Variants in EVI2A observed in about 807,000 individuals in gnomAD.
EVI2A encodes ecotropic viral integration site 2A.
Under a neutral mutation model 13.0 loss-of-function variants are expected in EVI2A, and 11 were observed. That is an observed-to-expected ratio of 0.85 (90% CI 0.53 to 1.40). EVI2A has a LOEUF of 1.40. Ranked by LOEUF, EVI2A falls within the 40% of genes most tolerant of loss-of-function variation. The probability of loss-of-function intolerance (pLI) is 0.00; values close to 1 mark genes in which losing one functional copy is unlikely to be tolerated. For missense variants in EVI2A, 267 were observed against 279.5 expected (o/e 0.96, Z 0.32); for synonymous variants, 89 against 98.0 (o/e 0.91, Z 0.54).
At chr17:31,320,928 G>A (rs1008769663) in intron 1 of EVI2A, 3 of 153,148 alleles carry the variant, frequency 2.0e-5, no homozygotes, top group Non-Finnish European at 2.9e-5. Context: ...ATACATCATA[G>A]TATTGGTACA....
rs770815786 is a variant in EVI2A, at chr17:31,318,449, A to G, written c.565T>C (p.Trp189Arg). 3.1e-5 allele frequency: 50 copies of G among 1,613,884 alleles called. No homozygotes were observed. Among genetic ancestry groups the G allele is most frequent in the East Asian group, 6.7e-5 (3 of 44,884 alleles). Residue 189 changes from tryptophan (W) to arginine (R), a missense_variant, in exon 2 of 2, where the codon TGG becomes CGG. Transcript: ENST00000462804. Reference protein sequence around the residue: ...SNGDFLASGLWPAESDTWKRT... With the variant: ...SNGDFLASGLRPAESDTWKRT... ...TTCCAAGTGTCTGATTCAGCGGGCC[A>G]TAGACCGCTTGCCAGAAAATCGCCA... is the stretch of plus-strand genomic sequence containing the variant.
Position 31,319,030 on chromosome 17 carries a change from G to T in EVI2A, c.-10-7C>A. 6.4e-7 allele frequency: 1 copy of T among 1,573,498 alleles called. No homozygotes were observed. The highest frequency in any genetic ancestry group is 8.6e-7 in the Non-Finnish European group (1 of 1,166,794). On this transcript the variant is annotated splice_region_variant and splice_polypyrimidine_tract_variant and intron_variant, in intron 1 of 1. Coordinates refer to ENST00000462804, the MANE Select transcript of EVI2A (RefSeq NM_014210.4). ...CGTGGGCATGCTTGGCAATCTGTTG[G>T]GATAGCAATATAATTTGTTAGTTTG...
intron 1 of EVI2A, among the ~76,000 whole-genome samples, chr17:31,319,755 GAAA>G (rs71142045): frequency 1.1e-4 from 13 of 117,878 alleles, no homozygotes; most frequent in South Asian, 2.5e-4. Flanking sequence ...AAAATCTGAA[GAAA>G]AAAAAAAAAA....
rs1222818472 is a variant in EVI2A at position 31,318,062 on chromosome 17, T to A, written c.*241A>T. 1 of 455,292 alleles carries A rather than the reference T, an allele frequency of 2.2e-6. No individual in the cohort carries two copies. Among genetic ancestry groups the A allele is most frequent in the Admixed American group, 4.0e-5 (1 of 25,182 alleles). 28.2% of individuals were successfully genotyped at this position (455,292 alleles called of 1,614,324 possible). Reference sequence around the variant, plus strand: ...CAGTTTCCTCAATTTATCCTTAAAATTTTCCTCAAATGCTTAGTTATTTTA... The same window carrying A: ...CAGTTTCCTCAATTTATCCTTAAAAATTTCCTCAAATGCTTAGTTATTTTA... On this transcript the variant is annotated 3_prime_UTR_variant, in exon 2 of 2. Coordinates refer to ENST00000462804, the MANE Select transcript of EVI2A (RefSeq NM_014210.4).
intron 1 of EVI2A, chr17:31,320,401 C>G: frequency 6.2e-7 from 1 of 1,608,434 alleles, no homozygotes; most frequent in Non-Finnish European, 8.5e-7. Context: ...GCCTGAAAGT[C>G]TTTGTTTCCA....
In EVI2A at chr17:31,318,675, T is replaced by C. The variant is rs1359268670; in HGVS notation, c.339A>G (p.Thr113=). ...SPSTVQSIEN[T]SKSHGEIFKK... is the part of the protein sequence containing the mutation. ...TGAAAATTTCACCATGACTTTTGCT[T>C]GTGTTTTCAATGCTCTGTACTGTTG... is the stretch of plus-strand genomic sequence containing the variant. The change falls in exon 2 of 2, where the codon ACA becomes ACG. Residue 113 remains threonine (T), a synonymous_variant. Transcript: ENST00000462804. 6.2e-7 allele frequency: 1 copy of C among 1,614,014 alleles called. No homozygotes were observed. The highest frequency in any genetic ancestry group is 1.1e-5 in the South Asian group (1 of 91,092).
chr17:31,319,064 T>C, intron 1 of EVI2A, 41 bp from the exon 2 acceptor site: 1 of 1,530,928 alleles, frequency 6.5e-7, no homozygotes, highest in Non-Finnish European at 8.7e-7. Flanking sequence ...TGTGAAAGAA[T>C]AATGGATCCT....
chr17:31,317,404 C>CACAA lies in EVI2A; in HGVS notation c.*898_*899insTTGT, dbSNP rs56932012. 6.8e-6 allele frequency among the ~76,000 whole-genome samples: 1 copy of CACAA among 147,222 alleles called. No homozygotes were observed. Among genetic ancestry groups the CACAA allele is most frequent in the Non-Finnish European group, 1.5e-5 (1 of 66,872 alleles). ...ACACACACACACACACACACACACA[C>CACAA]CCCTAATAAATCATTAGGCTACTTG... On this transcript the variant is annotated 3_prime_UTR_variant, in exon 2 of 2. Transcript: ENST00000462804.
chr17:31,318,302 A>G lies in EVI2A; in HGVS notation c.*1T>C. On this transcript the variant is annotated 3_prime_UTR_variant, in exon 2 of 2. Transcript: ENST00000462804. ...TCATTGCTACTTTGCATTTTTCTTCACTAACCTATCTGTTTGTTAGTAAGT... is the reference window on the plus strand; with the variant it reads ...TCATTGCTACTTTGCATTTTTCTTCGCTAACCTATCTGTTTGTTAGTAAGT... The G allele has an allele frequency of 2.5e-6, 4 of 1,599,198 alleles. No homozygotes were observed. The highest frequency in any genetic ancestry group is 3.4e-6 in the Non-Finnish European group (4 of 1,175,098).
chr17:31,319,226 T>A (rs1174263311), intron 1 of EVI2A, among the ~76,000 whole-genome samples: 1 of 152,206 alleles, frequency 6.6e-6, no homozygotes, highest in Admixed American at 6.5e-5. Context: ...CTATTAACAC[T>A]TTTAGATGCT....
chr17:31,318,898 C>T lies in EVI2A; in HGVS notation c.116G>A (p.Ser39Asn). 1.2e-6 allele frequency: 2 copies of T among 1,614,050 alleles called. No homozygotes were observed. Among genetic ancestry groups the T allele is most frequent in the East Asian group, 2.2e-5 (1 of 44,872 alleles). Residue 39 changes from serine (S) to asparagine (N), a missense_variant, in exon 2 of 2, where the codon AGT (serine) becomes AAT (asparagine). Ser to Asn is a conservative substitution (Grantham distance 46). Coordinates refer to ENST00000462804, the MANE Select transcript of EVI2A (RefSeq NM_014210.4). ...AATAACTGAATCCCAGGAAGAAGTA[C>T]TGTTAGCCCACAGACGGGTATAGTT... is the stretch of plus-strand genomic sequence containing the variant. ...KANYTRLWAN[S>N]TSSWDSVIQN...
At position 31,316,865 on chromosome 17, in the gene EVI2A, TC is replaced by T. The variant is rs1042195474; in HGVS notation, c.*1437del. ...TAATAAAAATGATGCTTTATTTTTT[TC>T]CTCTCATTTTAATAATAGCTAGACG... On this transcript the variant is annotated 3_prime_UTR_variant, in exon 2 of 2. Coordinates refer to ENST00000462804, the MANE Select transcript of EVI2A (RefSeq NM_014210.4). Among the ~76,000 whole-genome samples the T allele has an allele frequency of 6.6e-6, 1 of 152,194 alleles. No homozygotes were observed. The highest frequency in any genetic ancestry group is 1.5e-5 in the Non-Finnish European group (1 of 68,028).
chr17:31,318,878 C>G lies in EVI2A; in HGVS notation c.136G>C (p.Val46Leu). ...WANSTSSWDS[V>L]IQNKTGRNQN... ...TTTCTGCCTGTCTTGTTTTGAATAA[C>G]TGAATCCCAGGAAGAAGTACTGTTA... Residue 46 changes from valine (V) to leucine (L), a missense_variant, in exon 2 of 2, where the codon GTT (valine) becomes CTT (leucine). Val to Leu is a conservative substitution (Grantham distance 32). Coordinates refer to ENST00000462804, the MANE Select transcript of EVI2A (RefSeq NM_014210.4). The G allele has an allele frequency of 6.2e-7, 1 of 1,614,042 alleles. No homozygotes were observed. The highest frequency in any genetic ancestry group is 1.1e-5 in the South Asian group (1 of 91,086).
At chr17:31,321,394 T>C (rs1173558091) in intron 1 of EVI2A, 101 bp downstream of exon 1, 1 of 152,180 alleles carries the variant, frequency 6.6e-6, no homozygotes, top group African/African-American at 2.4e-5. Flanking sequence ...TCTAGTTTGT[T>C]AGTGAGATTC....
chr17:31,319,508 AAG>A (rs1189832074), intron 1 of EVI2A, among the ~76,000 whole-genome samples: 1 of 152,088 alleles, frequency 6.6e-6, no homozygotes, highest in African/African-American at 2.4e-5. Flanking sequence ...TTTTGGTGGA[AAG>A]AGGGGAAGTT....
rs758790082 is a variant in EVI2A at position 31,318,345 on chromosome 17, ATCTTT to A, written c.664_668del (p.Lys222Ter). On this transcript the variant is annotated frameshift_variant, in exon 2 of 2. Transcript: ENST00000462804. LOFTEE classifies it high-confidence loss of function. Reference sequence around the variant, plus strand: ...TAGTAAGTTTTTCAGTTCCTTCTTCATCTTTTCTTTCCCTTGTAGCTGTGAGCACT... The same window carrying A: ...TAGTAAGTTTTTCAGTTCCTTCTTCATCTTTCCCTTGTAGCTGTGAGCACT... 1.2e-5 allele frequency: 19 copies of A among 1,610,610 alleles called. No individual in the cohort carries two copies. The highest frequency in any genetic ancestry group is 2.7e-5 in the African/African-American group (2 of 74,598).
Position 31,321,601 on chromosome 17 carries a change from A to G in EVI2A, c.-117T>C, listed in dbSNP as rs764711237. The G allele has an allele frequency of 3.3e-5, 5 of 152,158 alleles. No homozygotes were observed. The highest frequency in any genetic ancestry group is 5.9e-5 in the Non-Finnish European group (4 of 68,026). 9.4% of individuals were successfully genotyped at this position (152,158 alleles called of 1,614,324 possible). A position where few individuals can be genotyped will look rare whatever the true frequency, so the allele number is the denominator to read the frequency against. Reference sequence around the variant, plus strand: ...ATAGACTTGGAGAATATGAGCCTTAAAGTAAATCTGCAGTAAAAAAGGATA... The same window carrying G: ...ATAGACTTGGAGAATATGAGCCTTAGAGTAAATCTGCAGTAAAAAAGGATA... On this transcript the variant is annotated 5_prime_UTR_variant, in exon 1 of 2. Transcript: ENST00000462804.
At position 31,317,112 on chromosome 17, in the gene EVI2A, T is replaced by C. The variant is rs1303428792; in HGVS notation, c.*1191A>G. Among the ~76,000 whole-genome samples the C allele has an allele frequency of 1.3e-5, 2 of 152,204 alleles. No homozygotes were observed. The highest frequency in any genetic ancestry group is 4.1e-4 in the South Asian group (2 of 4,830). On this transcript the variant is annotated 3_prime_UTR_variant, in exon 2 of 2. Coordinates refer to ENST00000462804, the MANE Select transcript of EVI2A (RefSeq NM_014210.4). ...GTAGTCATACTTGGGAAAAAACATA[T>C]AAAAAATATTTTTAAAATGGTTACT...
chr17:31,319,140 A>C, intron 1 of EVI2A, 117 bp from the exon 2 acceptor site: 1 of 1,040,624 alleles, frequency 9.6e-7, no homozygotes, highest in Non-Finnish European at 1.4e-6. Context: ...GCTTATGCCT[A>C]ATATTCGCTA....
Sources: allele counts gnomAD v4.1 joint callset (sites outside exome capture counted in the v4.1 genomes callset), GRCh38; gene constraint gnomAD v4.1.1; transcripts MANE v1.5; gene names NCBI Gene and HGNC (gene_info 2026-07-23, HGNC 2026-07-21).